The following NKAIN2 variants were observed in gnomAD, a reference collection of about 807,000 sequenced individuals.
The protein encoded by NKAIN2 is sodium/potassium transporting ATPase interacting 2, also known as sodium/potassium-transporting ATPase subunit beta-1-interacting protein 2.
In NKAIN2, 14 loss-of-function variants were observed where a neutral mutation model predicts 32.6. That is an observed-to-expected ratio of 0.43 (90% CI 0.28 to 0.67). The LOEUF is 0.67. NKAIN2 is among the 30% of genes least tolerant of loss of function. NKAIN2 has a pLI of 0.17. For missense variants in NKAIN2, 198 were observed against 258.3 expected, an observed-to-expected ratio of 0.77 and a Z score of 1.60; for synonymous variants, 80 against 87.2, an observed-to-expected ratio of 0.92 and a Z score of 0.46.
chr6:123,940,233 CA>C (rs1235594918), intron 1 of NKAIN2, among the ~76,000 whole-genome samples: 1 of 151,726 alleles, frequency 6.6e-6, no homozygotes, highest in Admixed American at 6.6e-5. Context: ...ACACTTAAAG[CA>C]CAAAAAAATC....
chr6:123,964,301 TC>T lies in NKAIN2; in HGVS notation c.54+160051del, dbSNP rs1419981829. Among the ~76,000 whole-genome samples, 1 of 152,220 alleles carries T rather than the reference TC, an allele frequency of 6.6e-6. No individual in the cohort carries two copies. Among genetic ancestry groups the T allele is most frequent in the African/African-American group, 2.4e-5 (1 of 41,462 alleles). On this transcript the variant is annotated intron_variant, in intron 1 of 6. Transcript: ENST00000368417. The surrounding 1 kb of genome is among the most constrained non-coding windows in gnomAD (Gnocchi z 4.0). ...TTTTTCTTATACAGCTCCCTGTTCATCCCCTGATTTCTGTGTTGCCTTTGCC... is the reference window on the plus strand; with the variant it reads ...TTTTTCTTATACAGCTCCCTGTTCATCCCTGATTTCTGTGTTGCCTTTGCC...
chr6:124,417,198 T>C (rs1463700942), intron 3 of NKAIN2, among the ~76,000 whole-genome samples: 1 of 152,162 alleles, frequency 6.6e-6, no homozygotes, highest in African/African-American at 2.4e-5. Context: ...CAAAGTGCTT[T>C]AACAAGCAAT....
intron 3 of NKAIN2, among the ~76,000 whole-genome samples, chr6:124,573,660 G>A (rs1216451362): frequency 6.6e-6 from 1 of 151,896 alleles, no homozygotes; most frequent in African/African-American, 2.4e-5. Context: ...GAATAATGTA[G>A]CGCAGCCCCC....
chr6:124,510,380 T>C (rs2114771482), intron 3 of NKAIN2, among the ~76,000 whole-genome samples: 1 of 152,332 alleles, frequency 6.6e-6, no homozygotes, highest in African/African-American at 2.4e-5. Flanking sequence ...AACAAAACCT[T>C]TAATGCTATG....
intron 1 of NKAIN2, among the ~76,000 whole-genome samples, chr6:124,010,102 A>G (rs1251121851): frequency 6.6e-6 from 1 of 152,186 alleles, no homozygotes; most frequent in Non-Finnish European, 1.5e-5. Flanking sequence ...TTCCTTTAAA[A>G]TTTTAAGGAA....
intron 3 of NKAIN2, among the ~76,000 whole-genome samples, chr6:124,496,434 A>T (rs1172914681): frequency 6.6e-6 from 1 of 152,188 alleles, no homozygotes; most frequent in Non-Finnish European, 1.5e-5. Context: ...TTAATAAGTC[A>T]TGGCACTGCC....
At chr6:124,184,837 A>T (rs749041775) in intron 1 of NKAIN2, among the ~76,000 whole-genome samples, 3 of 151,908 alleles carry the variant, frequency 2.0e-5, no homozygotes, top group African/African-American at 7.3e-5. Context: ...ATCATCTTGC[A>T]TTTTTTTTCA....
At chr6:124,334,553 TG>T (rs1562495955) in intron 2 of NKAIN2, among the ~76,000 whole-genome samples, 1 of 13,984 alleles carries the variant, frequency 7.2e-5, no homozygotes, top group African/African-American at 2.4e-4. Flanking sequence ...CGGTTCCTGG[TG>T]GGGGGCACTA....
intron 1 of NKAIN2, among the ~76,000 whole-genome samples, chr6:124,097,974 A>ACT (rs142883716): frequency 0.028 from 4,314 of 152,068 alleles, 199 homozygotes; most frequent in African/African-American, 0.097. Flanking sequence ...GATGGACTAT[A>ACT]CTCATTATTT....
intron 1 of NKAIN2, among the ~76,000 whole-genome samples, chr6:124,267,967 T>C (rs1178612759): frequency 6.6e-6 from 1 of 152,212 alleles, no homozygotes; most frequent in South Asian, 2.1e-4. Flanking sequence ...TTTCCACTCA[T>C]CCTTTAGAAA....
At chr6:124,608,058 C>T (rs906875526) in intron 3 of NKAIN2, among the ~76,000 whole-genome samples, 2 of 152,084 alleles carry the variant, frequency 1.3e-5, no homozygotes, top group African/African-American at 4.8e-5. Flanking sequence ...ATAACCCCAT[C>T]ATAAGTTGAA....
chr6:123,863,368 C>T (rs76029613), intron 1 of NKAIN2, among the ~76,000 whole-genome samples: 88 of 152,276 alleles, frequency 5.8e-4, no homozygotes, highest in African/African-American at 2.1e-3. Flanking sequence ...ACCTATTCCC[C>T]TCACTCTTCA....
intron 3 of NKAIN2, among the ~76,000 whole-genome samples, chr6:124,609,304 A>C (rs1406049574): frequency 6.6e-6 from 1 of 152,226 alleles, no homozygotes. Context: ...AAGGAAAGAA[A>C]GACAGCCAAA....
At chr6:124,037,175 A>G (rs1220989934) in intron 1 of NKAIN2, among the ~76,000 whole-genome samples, 2 of 152,120 alleles carry the variant, frequency 1.3e-5, no homozygotes, top group African/African-American at 4.8e-5. Context: ...CAAGAAGGAA[A>G]ACCGATCAGA....
chr6:124,398,083 C>G (rs1773465021), intron 3 of NKAIN2, among the ~76,000 whole-genome samples: 1 of 151,564 alleles, frequency 6.6e-6, no homozygotes, highest in Admixed American at 6.6e-5. Context: ...GAAACCCCAT[C>G]TGTACTAAAA....
chr6:124,349,004 G>T (rs1798586116), intron 2 of NKAIN2, among the ~76,000 whole-genome samples: 1 of 152,102 alleles, frequency 6.6e-6, no homozygotes, highest in Admixed American at 6.5e-5. Flanking sequence ...GCTAGCAGTT[G>T]TTTTTAAGAC....
chr6:124,226,434 T>G (rs530046893), intron 1 of NKAIN2, among the ~76,000 whole-genome samples: 1 of 152,192 alleles, frequency 6.6e-6, no homozygotes, highest in Non-Finnish European at 1.5e-5. Flanking sequence ...TGCCTCAGAT[T>G]TCTTTTCTCA....
At position 124,825,404 on chromosome 6, in the gene NKAIN2, T is replaced by G. The variant is rs1781545821; in HGVS notation, c.*2175T>G. On this transcript the variant is annotated 3_prime_UTR_variant, in exon 7 of 7. Transcript: ENST00000368417. ...GGGATCAGTAAGCACAGTAGTGTGA[T>G]TATATCTGGGAAAACATCTACAGTT... 1 of 152,606 alleles carries G rather than the reference T, an allele frequency of 6.6e-6. No homozygotes were observed. Among genetic ancestry groups the G allele is most frequent in the Admixed American group, 6.5e-5 (1 of 15,276 alleles). 9.5% of individuals were successfully genotyped at this position (152,606 alleles called of 1,614,324 possible). A position where few individuals can be genotyped will look rare whatever the true frequency, so the allele number is the denominator to read the frequency against.
At chr6:123,878,053 C>T (rs974049761) in intron 1 of NKAIN2, among the ~76,000 whole-genome samples, 4 of 151,994 alleles carry the variant, frequency 2.6e-5, no homozygotes, top group African/African-American at 9.7e-5. Flanking sequence ...ATGGAGAAAC[C>T]CTGCCTTTAC....
Sources: allele counts gnomAD v4.1 joint callset (sites outside exome capture counted in the v4.1 genomes callset), GRCh38; gene constraint gnomAD v4.1.1; non-coding constraint Gnocchi (gnomAD v3.1); transcripts MANE v1.5; gene names NCBI Gene and HGNC (gene_info 2026-07-23, HGNC 2026-07-21).